Variants in ANO3 observed in about 807,000 individuals in gnomAD.
ANO3 encodes anoctamin 3, also known as anoctamin-3.
ANO3 carries 99 observed loss-of-function variants against 144.8 expected under a neutral mutation model. That is an observed-to-expected ratio of 0.68 (90% CI 0.58 to 0.81). The LOEUF (loss-of-function observed/expected upper bound fraction) is 0.81. Among genes scored for constraint, ANO3 ranks in the 30% least tolerant of loss-of-function variants. ANO3 has a pLI of 0.00. For missense variants in ANO3, 905 were observed against 1,202.2 expected, an observed-to-expected ratio of 0.75 and a Z score of 3.66; for synonymous variants, 414 against 392.6, an observed-to-expected ratio of 1.05 and a Z score of -0.64.
intron 1 of ANO3, among the ~76,000 whole-genome samples, chr11:26,317,143 C>T (rs1306246178): frequency 1.3e-5 from 2 of 151,910 alleles, no homozygotes; most frequent in Non-Finnish European, 2.9e-5. Flanking sequence ...TAGCTAGTCT[C>T]AGTGTGAAAT....
intron 1 of ANO3, among the ~76,000 whole-genome samples, chr11:26,396,890 T>C (rs1857027880): frequency 6.6e-6 from 1 of 151,930 alleles, no homozygotes; most frequent in South Asian, 2.1e-4. Context: ...CATGTATACC[T>C]ATGTAACAAA....
At chr11:26,433,130 A>G (rs1017698132) in intron 1 of ANO3, among the ~76,000 whole-genome samples, 12 of 152,106 alleles carry the variant, frequency 7.9e-5, no homozygotes, top group Admixed American at 2.0e-4. Context: ...GGTTAGCTGT[A>G]TTCCTAGGTA....
At chr11:26,236,036 A>G (rs1455759236) in intron 1 of ANO3, among the ~76,000 whole-genome samples, 1 of 152,154 alleles carries the variant, frequency 6.6e-6, no homozygotes, top group African/African-American at 2.4e-5. Context: ...TGATATAGAT[A>G]GCAAACCCTA....
At chr11:26,473,868 T>C (rs908624328) in intron 4 of ANO3, 1 of 925,290 alleles carries the variant, frequency 1.1e-6, no homozygotes, top group African/African-American at 1.8e-5. Context: ...AAAATACAGA[T>C]GTTCTTATAA....
intron 1 of ANO3, among the ~76,000 whole-genome samples, chr11:26,241,974 G>A (rs1852672939): frequency 1.3e-5 from 2 of 152,176 alleles, no homozygotes; most frequent in African/African-American, 4.8e-5. Context: ...AAAATAGAGA[G>A]CTTTCAAGGA....
Position 26,493,988 on chromosome 11 carries a change from G to A in ANO3, c.433-14116G>A, listed in dbSNP as rs187132050. On this transcript the variant is annotated intron_variant, in intron 4 of 26. Transcript: ENST00000256737. ...TTAGTGGCTTGCTATGTTTGTAAAA[G>A]GATAGTTTTCAAAATAATTTTTATG... 1.6e-3 allele frequency among the ~76,000 whole-genome samples: 239 copies of A among 152,168 alleles called. 1 individual carries two copies. Among genetic ancestry groups the A allele is most frequent in the African/African-American group, 5.3e-3 (218 of 41,514 alleles).
chr11:26,428,768 T>C (rs1034861247), intron 1 of ANO3, among the ~76,000 whole-genome samples: 4 of 152,050 alleles, frequency 2.6e-5, no homozygotes, highest in African/African-American at 9.7e-5. Context: ...TGTTTATCAG[T>C]CTGGGTTCAA....
rs1028047668 is a variant in ANO3 at position 26,584,734 on chromosome 11, T to G, written c.1448-13631T>G. 3.9e-5 allele frequency among the ~76,000 whole-genome samples: 6 copies of G among 152,324 alleles called. No individual in the cohort carries two copies. In the East Asian group the frequency reaches 1.2e-3, roughly 29 times the overall value. ...ATATTTCAACCACCTGGGCCTTGTTTTCTTTAGATTTAAAATAAATAGCTT... is the reference window on the plus strand; with the variant it reads ...ATATTTCAACCACCTGGGCCTTGTTGTCTTTAGATTTAAAATAAATAGCTT... On this transcript the variant is annotated intron_variant, in intron 14 of 26. Coordinates refer to ENST00000256737, the MANE Select transcript of ANO3 (RefSeq NM_031418.4).
intron 4 of ANO3, among the ~76,000 whole-genome samples, chr11:26,477,438 G>T (rs928310258): frequency 1.3e-5 from 2 of 151,938 alleles, no homozygotes; most frequent in African/African-American, 2.4e-5. Context: ...ATGTTTTTAG[G>T]ATTTAAGTCA....
At chr11:26,345,140 G>A (rs1855466866) in intron 1 of ANO3, among the ~76,000 whole-genome samples, 1 of 152,066 alleles carries the variant, frequency 6.6e-6, no homozygotes, top group African/African-American at 2.4e-5. Context: ...AGTAAAGTGG[G>A]GTAGGGCAAT....
intron 3 of ANO3, among the ~76,000 whole-genome samples, chr11:26,445,847 T>A (rs923693595): frequency 6.6e-6 from 1 of 151,704 alleles, no homozygotes. Flanking sequence ...TATTATTATT[T>A]TTGAGACAGA....
intron 1 of ANO3, among the ~76,000 whole-genome samples, chr11:26,324,636 G>T (rs1277064964): frequency 1.3e-5 from 2 of 152,186 alleles, no homozygotes; most frequent in Non-Finnish European, 2.9e-5. Flanking sequence ...GAACCAATCA[G>T]ATGTATATAT....
intron 2 of ANO3, 82 bp from the exon 3 acceptor site, chr11:26,443,682 AT>A: frequency 1.6e-6 from 1 of 627,280 alleles, no homozygotes. Context: ...TTTGGCCATC[AT>A]TTGTCCATCT....
At chr11:26,506,993 A>T (rs1223744850) in intron 4 of ANO3, among the ~76,000 whole-genome samples, 3 of 152,194 alleles carry the variant, frequency 2.0e-5, no homozygotes, top group East Asian at 1.9e-4. Context: ...GAATGCCTGT[A>T]TAGGAAATAT....
intron 1 of ANO3, among the ~76,000 whole-genome samples, chr11:26,338,150 G>A (rs938637618): frequency 2.0e-5 from 3 of 151,690 alleles, no homozygotes; most frequent in African/African-American, 7.3e-5. Context: ...AACAGTAGAA[G>A]CTAATATTGT....
chr11:26,197,936 C>T (rs964557620), intron 1 of ANO3, among the ~76,000 whole-genome samples: 1 of 152,176 alleles, frequency 6.6e-6, no homozygotes, highest in Non-Finnish European at 1.5e-5. Context: ...CATGGCATCT[C>T]ACTCAAGCCC....
intron 1 of ANO3, among the ~76,000 whole-genome samples, chr11:26,416,283 T>C (rs1236175085): frequency 2.6e-5 from 4 of 152,132 alleles, no homozygotes; most frequent in African/African-American, 4.8e-5. Context: ...TTTGTATTTG[T>C]TGTGTTAAGA....
intron 12 of ANO3, among the ~76,000 whole-genome samples, chr11:26,550,466 T>G (rs2134224091): frequency 6.6e-6 from 1 of 152,030 alleles, no homozygotes; most frequent in East Asian, 1.9e-4. Context: ...CATTTAACTC[T>G]GTTTTTTATA....
chr11:26,574,940 A>G (rs2132840770), intron 14 of ANO3, among the ~76,000 whole-genome samples: 1 of 152,224 alleles, frequency 6.6e-6, no homozygotes, highest in African/African-American at 2.4e-5. Flanking sequence ...GGTGAGCTAA[A>G]GAAAGTTGTA....
Sources: gnomAD v4.1 joint callset for allele counts (sites outside exome capture counted in the v4.1 genomes callset) on GRCh38, gnomAD v4.1.1 for gene constraint, MANE v1.5 for transcripts, NCBI Gene and HGNC (gene_info 2026-07-23, HGNC 2026-07-21) for gene names.